PCDH9: variants seen among roughly 807,000 people sequenced by gnomAD.
PCDH9 encodes the protein protocadherin-9.
PCDH9 carries 24 observed loss-of-function variants against 70.6 expected under a neutral mutation model. The ratio of observed to expected loss-of-function variants is 0.34; its 90% CI spans 0.25 to 0.48. PCDH9 has a LOEUF of 0.48. Among genes scored for constraint, PCDH9 ranks in the 20% least tolerant of loss-of-function variants. The pLI is 0.99. For missense variants in PCDH9, 1,281 were observed against 1,503.6 expected (o/e 0.85, Z 2.45); for synonymous variants, 562 against 558.5 (o/e 1.01, Z -0.09).
intron 3 of PCDH9, among the ~76,000 whole-genome samples, chr13:66,888,276 C>G (rs1327077203): frequency 6.6e-6 from 1 of 152,068 alleles, no homozygotes; most frequent in Non-Finnish European, 1.5e-5. Context: ...GGGAGGATCA[C>G]TTGAGCCCAG....
intron 4 of PCDH9, chr13:66,306,288 T>C (rs1955463656): frequency 6.6e-6 from 1 of 151,348 alleles, no homozygotes; most frequent in Non-Finnish European, 1.5e-5. Context: ...ATTGTGAGCT[T>C]TCTATTTGCC....
intron 2 of PCDH9, among the ~76,000 whole-genome samples, chr13:66,949,688 G>T (rs1007678489): frequency 4.6e-5 from 7 of 151,920 alleles, no homozygotes; most frequent in African/African-American, 1.7e-4. Context: ...TTTTATCAAG[G>T]ATCATCTCCA....
chr13:66,599,141 T>C (rs1338195284), intron 4 of PCDH9, among the ~76,000 whole-genome samples: 4 of 151,832 alleles, frequency 2.6e-5, no homozygotes, highest in Non-Finnish European at 4.4e-5. Flanking sequence ...AGAATATATA[T>C]GCATTTTATT....
chr13:66,418,736 A>T (rs1207722616), intron 4 of PCDH9, among the ~76,000 whole-genome samples: 1 of 152,194 alleles, frequency 6.6e-6, no homozygotes. Context: ...AATAACTAAG[A>T]TTAGAGAAGA....
At chr13:66,791,628 C>T (rs886206734) in intron 3 of PCDH9, among the ~76,000 whole-genome samples, 4 of 151,938 alleles carry the variant, frequency 2.6e-5, no homozygotes, top group African/African-American at 9.7e-5. Context: ...GTATTACATA[C>T]ATGTAAATAA....
intron 4 of PCDH9, among the ~76,000 whole-genome samples, chr13:66,389,591 G>A (rs1956984731): frequency 6.6e-6 from 1 of 152,142 alleles, no homozygotes; most frequent in South Asian, 2.1e-4. Flanking sequence ...ATTTCCCGTA[G>A]ATATGAACAC....
chr13:67,160,504 G>A lies in PCDH9; in HGVS notation c.3036+64901C>T, dbSNP rs149416776. ...GGAGGTTGCAGTGAGCTGAGATCGCGCCACTGCACTCCAGCCTGGGTGACA... is the reference window on the plus strand; with the variant it reads ...GGAGGTTGCAGTGAGCTGAGATCGCACCACTGCACTCCAGCCTGGGTGACA... On this transcript the variant is annotated intron_variant, in intron 2 of 4. Coordinates refer to ENST00000377865, the MANE Select transcript of PCDH9 (RefSeq NM_203487.3). Among the ~76,000 whole-genome samples, 6 of 151,768 alleles carry A rather than the reference G, an allele frequency of 4.0e-5. No individual in the cohort carries two copies. In the East Asian group the frequency reaches 1.2e-3, roughly 30 times the overall value.
intron 4 of PCDH9, among the ~76,000 whole-genome samples, chr13:66,319,187 T>C (rs1955706850): frequency 6.6e-6 from 1 of 151,934 alleles, no homozygotes; most frequent in Non-Finnish European, 1.5e-5. Context: ...CAAACACTTA[T>C]GAAACCATGA....
intron 2 of PCDH9, among the ~76,000 whole-genome samples, chr13:67,013,716 T>C (rs1177406405): frequency 2.4e-5 from 3 of 124,200 alleles, no homozygotes; most frequent in Admixed American, 8.4e-5. Context: ...ATATTGTTGA[T>C]GGATAACAAA....
intron 2 of PCDH9, among the ~76,000 whole-genome samples, chr13:67,113,789 T>C (rs964095728): frequency 1.3e-5 from 2 of 152,138 alleles, no homozygotes; most frequent in African/African-American, 4.8e-5. Flanking sequence ...CCTCATGATC[T>C]GCCCGCCTCG....
intron 2 of PCDH9, among the ~76,000 whole-genome samples, chr13:67,160,306 G>T (rs916070844): frequency 6.6e-6 from 1 of 152,180 alleles, no homozygotes; most frequent in Non-Finnish European, 1.5e-5. Flanking sequence ...AACACTTTGG[G>T]AGGCCGAGAA....
intron 3 of PCDH9, among the ~76,000 whole-genome samples, chr13:66,800,597 G>T (rs1239358407): frequency 6.6e-6 from 1 of 152,040 alleles, no homozygotes; most frequent in Non-Finnish European, 1.5e-5. Context: ...ATCCTCATAC[G>T]CCAAATGGAT....
intron 3 of PCDH9, among the ~76,000 whole-genome samples, chr13:66,901,695 G>A (rs906470135): frequency 1.1e-4 from 17 of 151,508 alleles, no homozygotes; most frequent in Non-Finnish European, 1.9e-4. Flanking sequence ...TGTGCAAGCT[G>A]TCTTCCTGTG....
At chr13:67,126,453 A>G (rs968256133) in intron 2 of PCDH9, among the ~76,000 whole-genome samples, 1 of 152,214 alleles carries the variant, frequency 6.6e-6, no homozygotes, top group Non-Finnish European at 1.5e-5. Flanking sequence ...TTAACACATT[A>G]TATATTGACT....
intron 3 of PCDH9, among the ~76,000 whole-genome samples, chr13:66,713,651 AT>A (rs2078828900): frequency 1.5e-5 from 2 of 136,282 alleles, no homozygotes; most frequent in Non-Finnish European, 3.2e-5. Context: ...ATATATATAT[AT>A]AATGTACACA....
At chr13:66,516,048 C>T (rs1191190010) in intron 4 of PCDH9, among the ~76,000 whole-genome samples, 1 of 151,980 alleles carries the variant, frequency 6.6e-6, no homozygotes, top group African/African-American at 2.4e-5. Context: ...TTTCTTAACA[C>T]CATTTGAAAT....
chr13:66,851,605 A>C (rs1303994839), intron 3 of PCDH9, among the ~76,000 whole-genome samples: 1 of 150,052 alleles, frequency 6.7e-6, no homozygotes, highest in Non-Finnish European at 1.5e-5. Context: ...ACACACACAC[A>C]CACTCATTTT....
Position 67,106,734 on chromosome 13 carries a change from GA to G in PCDH9, c.3036+118670del, listed in dbSNP as rs372178959. 3.3e-3 allele frequency among the ~76,000 whole-genome samples: 498 copies of G among 152,328 alleles called. 1 individual carries two copies. The highest frequency in any genetic ancestry group is 0.011 in the African/African-American group (471 of 41,596). Reference sequence around the variant, plus strand: ...GGCATCCCTGTGCTCCTGGGCCTGGGAAACCCTTCTGCCCCTGCAGGCTCAG... The same window carrying G: ...GGCATCCCTGTGCTCCTGGGCCTGGGAACCCTTCTGCCCCTGCAGGCTCAG... On this transcript the variant is annotated intron_variant, in intron 2 of 4. Transcript: ENST00000377865.
intron 4 of PCDH9, among the ~76,000 whole-genome samples, chr13:66,326,309 T>G (rs147291843): frequency 1.3e-5 from 2 of 151,498 alleles, no homozygotes. Flanking sequence ...CCTTTTGAGA[T>G]GGAGTCATGT....
Sources: allele counts gnomAD v4.1 joint callset (sites outside exome capture counted in the v4.1 genomes callset), GRCh38; gene constraint gnomAD v4.1.1; transcripts MANE v1.5; gene names NCBI Gene and HGNC (gene_info 2026-07-23, HGNC 2026-07-21).